The following SEMA4F variants were observed in gnomAD, a reference collection of about 807,000 sequenced individuals.
SEMA4F encodes the protein ssemaphorin 4F, also known as semaphorin-4F.
A neutral mutation model predicts 78.4 loss-of-function variants in SEMA4F; 51 were observed. That is an observed-to-expected ratio of 0.65 (90% CI 0.52 to 0.82). The LOEUF (loss-of-function observed/expected upper bound fraction) is 0.82. Among genes scored for constraint, SEMA4F ranks in the 40% least tolerant of loss-of-function variants. The pLI, the probability that SEMA4F is intolerant of heterozygous loss-of-function variation, is 0.00. For synonymous variants in SEMA4F, 418 were observed against 408.7 expected, an observed-to-expected ratio of 1.02 and a Z score of -0.27; for missense variants, 938 against 1,014.4, an observed-to-expected ratio of 0.92 and a Z score of 1.02.
At chr2:74,693,883 G>A in the SEMA4F span, among the ~76,000 whole-genome samples, 1 of 151,974 alleles carries the variant, frequency 6.6e-6, no homozygotes, top group African/African-American at 2.4e-5. Flanking sequence ...GATATTTGAG[G>A]TGTTTCCAGT....
At chr2:74,662,861 C>T (rs772641564) in intron 5 of SEMA4F, 36 bp downstream of exon 5, 1 of 1,540,638 alleles carries the variant, frequency 6.5e-7, no homozygotes. Flanking sequence ...TAACTTCTTG[C>T]TAATTGCCTC....
In SEMA4F at chr2:74,665,094, C is replaced by T. The variant is rs978075514; in HGVS notation, c.550+2269C>T. Among the ~76,000 whole-genome samples, 6 of 151,774 alleles carry T rather than the reference C, an allele frequency of 4.0e-5. No individual in the cohort carries two copies. The East Asian group carries it at 1.2e-3, about 29-fold the overall frequency. On this transcript the variant is annotated intron_variant, in intron 5 of 13. Coordinates refer to ENST00000357877, the MANE Select transcript of SEMA4F (RefSeq NM_004263.5). The stretch of plus-strand genomic sequence containing the variant: ...AACTTTATCATAAAATTAATTTTTA[C>T]CTATATTTTTGGGAAATATTTTATG...
chr2:74,676,758 T>G (rs763709928), intron 12 of SEMA4F, among the ~76,000 whole-genome samples: 1 of 152,232 alleles, frequency 6.6e-6, no homozygotes, highest in Non-Finnish European at 1.5e-5. Flanking sequence ...ATTGGTCTTT[T>G]TTTGACCATT....
At chr2:74,705,021 C>A in the SEMA4F span, among the ~76,000 whole-genome samples, 3 of 152,160 alleles carry the variant, frequency 2.0e-5, no homozygotes, top group Admixed American at 1.3e-4. Context: ...GGAAAGCTTG[C>A]AAATGTGCAG....
At chr2:74,703,905 C>G in the SEMA4F span, among the ~76,000 whole-genome samples, 4 of 152,182 alleles carry the variant, frequency 2.6e-5, no homozygotes, top group African/African-American at 7.2e-5. Flanking sequence ...GGCCAAGCCC[C>G]ACTTGTGGTC....
In SEMA4F at chr2:74,671,010, A is replaced by T. The variant is rs561045047; in HGVS notation, c.551-2447A>T. 5.0e-3 allele frequency among the ~76,000 whole-genome samples: 686 copies of T among 138,014 alleles called. 7 individuals are homozygous for T. The highest frequency in any genetic ancestry group is 0.023 in the African/African-American group (652 of 28,416). 90.5% of individuals were successfully genotyped at this position (138,014 alleles called of 152,430 possible). On this transcript the variant is annotated intron_variant, in intron 5 of 13. Coordinates refer to ENST00000357877, the MANE Select transcript of SEMA4F (RefSeq NM_004263.5). Reference sequence around the variant, plus strand: ...TAGGTCTCTTTGTTTATCTTATTTAACCCTTAGCACTATTCTGAGTGGAAG... The same window carrying T: ...TAGGTCTCTTTGTTTATCTTATTTATCCCTTAGCACTATTCTGAGTGGAAG...
At position 74,658,360 on chromosome 2, in the gene SEMA4F, T is replaced by C. The variant is rs1337974792; in HGVS notation, c.456+409T>C. 9.9e-5 allele frequency among the ~76,000 whole-genome samples: 15 copies of C among 152,228 alleles called. No homozygotes were observed. The highest frequency in any genetic ancestry group is 9.2e-4 in the Admixed American group (14 of 15,290). On this transcript the variant is annotated intron_variant, in intron 4 of 13. Coordinates refer to ENST00000357877, the MANE Select transcript of SEMA4F (RefSeq NM_004263.5). This position sits in a 1 kb window ranked among gnomAD's most constrained non-coding sequence, Gnocchi z 4.3. ...TTCTTAATTAGTACAGCCCATTGCC[T>C]GTTTCTTCCTTTCACAGCATGTGAC...
chr2:74,654,621 C>A, intron 1 of SEMA4F, 100 bp downstream of exon 1: 1 of 1,096,328 alleles, frequency 9.1e-7, no homozygotes, highest in Non-Finnish European at 1.2e-6. Context: ...GCCTCTCAGC[C>A]TGGTGTATGG....
intron 5 of SEMA4F, among the ~76,000 whole-genome samples, chr2:74,671,300 G>C (rs1684974560): frequency 6.6e-6 from 1 of 152,202 alleles, no homozygotes; most frequent in South Asian, 2.1e-4. Context: ...TCTCTGCATA[G>C]AGTGTTTCTT....
chr2:74,708,433 A>G, the SEMA4F span, among the ~76,000 whole-genome samples: 1 of 152,182 alleles, frequency 6.6e-6, no homozygotes, highest in South Asian at 2.1e-4. Context: ...TGATTATGTC[A>G]GTGAAGGCCA....
chr2:74,674,006 G>A (rs1481219779), intron 7 of SEMA4F, among the ~76,000 whole-genome samples, 178 bp downstream of exon 7: 3 of 152,174 alleles, frequency 2.0e-5, no homozygotes, highest in African/African-American at 4.8e-5. Context: ...TCTTTGACAC[G>A]CACAATTACC....
At chr2:74,660,541 T>A (rs948203577) in intron 4 of SEMA4F, among the ~76,000 whole-genome samples, 2 of 152,256 alleles carry the variant, frequency 1.3e-5, no homozygotes, top group African/African-American at 4.8e-5. Context: ...GGACTTTGCT[T>A]TACCACAGCT....
rs367593293 is a variant in SEMA4F at position 74,673,500 on chromosome 2, G to T, written c.594G>T (p.Thr198=). 6.2e-7 allele frequency: 1 copy of T among 1,614,030 alleles called. No homozygotes were observed. Among genetic ancestry groups the T allele is most frequent in the Non-Finnish European group, 8.5e-7 (1 of 1,180,044 alleles). Residue 198 remains threonine, a synonymous_variant, in exon 6 of 14, where the codon ACG becomes ACT. Transcript: ENST00000357877. ...YAATVKNYLG[T]EPIITRAVGR... is the part of the protein sequence containing the mutation. ...CCACTGTGAAAAACTACCTGGGGAC[G>T]GAGCCAATTATCACCAGAGCAGTGG...
chr2:74,697,475 C>A, the SEMA4F span, among the ~76,000 whole-genome samples: 1 of 152,118 alleles, frequency 6.6e-6, no homozygotes, highest in African/African-American at 2.4e-5. Flanking sequence ...ATATGACTTC[C>A]GCTTGACAGA....
rs1325336992 is a variant in SEMA4F, at chr2:74,681,048, CT to C, written c.*840del. 2 of 152,760 alleles carry C rather than the reference CT, an allele frequency of 1.3e-5. No individual in the cohort carries two copies. Among genetic ancestry groups the C allele is most frequent in the East Asian group, 1.9e-4 (1 of 5,200 alleles). 9.5% of individuals were successfully genotyped at this position (152,760 alleles called of 1,614,324 possible). A position where few individuals can be genotyped will look rare whatever the true frequency, so the allele number is the denominator to read the frequency against. On this transcript the variant is annotated 3_prime_UTR_variant, in exon 14 of 14. Coordinates refer to ENST00000357877, the MANE Select transcript of SEMA4F (RefSeq NM_004263.5). ...CCATCCTTTTCTTTGTTTTTACCCC[CT>C]GGCTGCCACCACTGCCATGTCACAG...
In SEMA4F at chr2:74,657,944, G is replaced by A. The variant is rs761342596; in HGVS notation, c.449G>A (p.Gly150Glu). The change falls in exon 4 of 14, where the codon GGG (glycine) becomes GAG (glutamate). Residue 150 changes from glycine (G) to glutamate (E), a missense_variant. Coordinates refer to ENST00000357877, the MANE Select transcript of SEMA4F (RefSeq NM_004263.5). ...ACCTTCGCTTTTGATCCGAAGTGCG[G>A]GGTTATTGTGAGTGACGGTGTGGGA... ...CGTFAFDPKC[G>E]VIDVSRFQQV... is the part of the protein sequence containing the mutation. The A allele has an allele frequency of 6.2e-7, 1 of 1,614,068 alleles. No homozygotes were observed. The highest frequency in any genetic ancestry group is 8.5e-7 in the Non-Finnish European group (1 of 1,179,898).
rs951905097 is a variant in SEMA4F at position 74,657,560 on chromosome 2, C to T, written c.298-5C>T. On this transcript the variant is annotated splice_region_variant and splice_polypyrimidine_tract_variant and intron_variant, in intron 2 of 13. Transcript: ENST00000357877. ...TGGGTGAAATGATCACTTCTCCTTT[C>T]TCAGATTGACTGGATGGTTCCTGAG... 6.2e-7 allele frequency: 1 copy of T among 1,613,972 alleles called. No homozygotes were observed. The highest frequency in any genetic ancestry group is 8.5e-7 in the Non-Finnish European group (1 of 1,179,836).
At chr2:74,667,233 T>G (rs1187559997) in intron 5 of SEMA4F, among the ~76,000 whole-genome samples, 1 of 152,234 alleles carries the variant, frequency 6.6e-6, no homozygotes, top group Non-Finnish European at 1.5e-5. Context: ...ATTATTGTTT[T>G]TAAACATAAT....
At chr2:74,675,100 T>G in intron 9 of SEMA4F, 62 bp from the exon 10 acceptor site, 1 of 1,613,452 alleles carries the variant, frequency 6.2e-7, no homozygotes, top group African/African-American at 1.3e-5. Context: ...AGAGCCCCAC[T>G]AAGCATCACT....
Sources: gnomAD v4.1 joint callset for allele counts (sites outside exome capture counted in the v4.1 genomes callset) on GRCh38, gnomAD v4.1.1 for gene constraint, Gnocchi (gnomAD v3.1) non-coding constraint, MANE v1.5 for transcripts, NCBI Gene and HGNC (gene_info 2026-07-23, HGNC 2026-07-21) for gene names.